KIFC3: variants seen among roughly 807,000 people sequenced by gnomAD.
KIFC3 encodes the protein kinesin-like protein KIFC3.
Under a neutral mutation model 101.8 loss-of-function variants are expected in KIFC3, and 60 were observed. The ratio of observed to expected loss-of-function variants is 0.59; its 90% CI spans 0.48 to 0.73. The LOEUF (loss-of-function observed/expected upper bound fraction) is 0.73, where lower values mean the gene tolerates loss of function less well. Among genes scored for constraint, KIFC3 ranks in the 30% least tolerant of loss-of-function variants. KIFC3 has a pLI of 0.00. For missense variants in KIFC3, 966 were observed against 1,137.1 expected (o/e 0.85, Z 2.16); for synonymous variants, 476 against 482.7 (o/e 0.99, Z 0.18).
At chr16:57,776,042 A>G in intron 3 of KIFC3, 1 of 985,424 alleles carries the variant, frequency 1.0e-6, no homozygotes, top group Non-Finnish European at 1.2e-6. Flanking sequence ...GGGGCCAGCC[A>G]GCCCAGGTCT....
At chr16:57,793,254 C>A (rs1218859528) in intron 3 of KIFC3, among the ~76,000 whole-genome samples, 13 of 151,040 alleles carry the variant, frequency 8.6e-5, no homozygotes, top group African/African-American at 3.2e-4. Context: ...CCACTGCACT[C>A]CAACCTGGGC....
intron 3 of KIFC3, among the ~76,000 whole-genome samples, chr16:57,783,555 C>A (rs1017375326): frequency 1.3e-5 from 2 of 150,272 alleles, no homozygotes; most frequent in Non-Finnish European, 2.9e-5. Flanking sequence ...TCACTGCAAC[C>A]TTTCCCTCCC....
At chr16:57,817,715 G>T (rs1159610692) in intron 1 of KIFC3, among the ~76,000 whole-genome samples, 9 of 152,142 alleles carry the variant, frequency 5.9e-5, no homozygotes, top group South Asian at 2.1e-4. Flanking sequence ...GGCCCAAAAA[G>T]GTTCCAAATA....
chr16:57,766,760 T>A (rs1555603233), intron 10 of KIFC3, 114 bp downstream of exon 10: 1 of 661,018 alleles, frequency 1.5e-6, no homozygotes, highest in African/African-American at 1.8e-5. Flanking sequence ...TTTCCTTATC[T>A]ACAGAGATAG....
intron 18 of KIFC3, 25 bp downstream of exon 18, chr16:57,759,703 A>G: frequency 1.3e-6 from 2 of 1,571,290 alleles, no homozygotes; most frequent in Non-Finnish European, 1.7e-6. Context: ...GAGACTCCCC[A>G]CCCACACTGC....
At chr16:57,784,030 G>A (rs372046379) in intron 3 of KIFC3, among the ~76,000 whole-genome samples, 9 of 152,242 alleles carry the variant, frequency 5.9e-5, no homozygotes, top group African/African-American at 2.2e-4. Context: ...AGCTCAAGAC[G>A]CCCAGGGACA....
intron 4 of KIFC3, 141 bp from the exon 5 acceptor site, chr16:57,771,827 G>GAAAAAT (rs1305635269): frequency 9.1e-7 from 1 of 1,100,944 alleles, no homozygotes; most frequent in Non-Finnish European, 1.3e-6. Context: ...AAAAGAAAAA[G>GAAAAAT]AAAAAGGCAA....
In KIFC3 at chr16:57,758,318, A is replaced by G. The variant is rs2148805073; in HGVS notation, c.*616T>C. 1 of 248,124 alleles carries G rather than the reference A, an allele frequency of 4.0e-6. No homozygotes were observed. The highest frequency in any genetic ancestry group is 2.3e-5 in the African/African-American group (1 of 43,268). 15.4% of individuals were successfully genotyped at this position (248,124 alleles called of 1,614,324 possible). ...GGGAAGAAAATTCGAGAGACCAGCG[A>G]GCCAGGCAGGTGAGCGAGCAGCAGA... On this transcript the variant is annotated 3_prime_UTR_variant, in exon 20 of 20. Transcript: ENST00000445690.
intron 1 of KIFC3, among the ~76,000 whole-genome samples, chr16:57,831,326 G>A (rs1286421156): frequency 3.3e-5 from 5 of 152,208 alleles, no homozygotes; most frequent in Admixed American, 6.5e-5. Context: ...CCCACCCAGC[G>A]CCTTCTCTCC....
chr16:57,774,773 C>T (rs557497888), intron 3 of KIFC3: 7 of 844,818 alleles, frequency 8.3e-6, no homozygotes, highest in South Asian at 3.2e-5. Context: ...GCAGTCTTCC[C>T]GCCTCAGCCT....
intron 1 of KIFC3, among the ~76,000 whole-genome samples, chr16:57,856,772 A>C (rs1288357982): frequency 6.6e-6 from 1 of 152,192 alleles, no homozygotes. Context: ...CTCTGTGCAC[A>C]TAAGTTTGAC....
At chr16:57,790,148 C>T (rs1417626884) in intron 3 of KIFC3, among the ~76,000 whole-genome samples, 12 of 145,888 alleles carry the variant, frequency 8.2e-5, no homozygotes, top group Non-Finnish European at 1.5e-5. Flanking sequence ...AGCACAATAG[C>T]AGCTCACTGC....
chr16:57,824,043 G>A (rs976935743), intron 1 of KIFC3, among the ~76,000 whole-genome samples: 11 of 152,228 alleles, frequency 7.2e-5, no homozygotes, highest in Non-Finnish European at 1.6e-4. Context: ...TCCTGTCAGG[G>A]AGAGCACGTC....
intron 1 of KIFC3, among the ~76,000 whole-genome samples, chr16:57,843,943 A>G (rs1381875252): frequency 2.0e-5 from 3 of 151,852 alleles, no homozygotes; most frequent in African/African-American, 2.4e-5. Flanking sequence ...CCCTGTCTCT[A>G]CTAAAAATAC....
intron 1 of KIFC3, among the ~76,000 whole-genome samples, chr16:57,811,997 C>G (rs1292033810): frequency 2.0e-5 from 3 of 150,224 alleles, no homozygotes; most frequent in Non-Finnish European, 4.4e-5. Context: ...GAGCTATGAT[C>G]AGACCACTGC....
At chr16:57,823,542 G>A (rs2055395133) in intron 1 of KIFC3, among the ~76,000 whole-genome samples, 1 of 152,150 alleles carries the variant, frequency 6.6e-6, no homozygotes. Flanking sequence ...TTGTTTTTAG[G>A]AAACATACAG....
At chr16:57,809,451 C>T (rs187753880) in intron 1 of KIFC3, among the ~76,000 whole-genome samples, 24 of 152,282 alleles carry the variant, frequency 1.6e-4, no homozygotes, top group African/African-American at 5.8e-4. Flanking sequence ...TGAGCCACTG[C>T]ACCCAGCAAA....
At chr16:57,786,340 A>G (rs1555617741) in intron 3 of KIFC3, among the ~76,000 whole-genome samples, 1 of 152,196 alleles carries the variant, frequency 6.6e-6, no homozygotes, top group Non-Finnish European at 1.5e-5. Context: ...AAGGCCTCCC[A>G]CTGTCCTGTC....
intron 3 of KIFC3, 50 bp from the exon 4 acceptor site, chr16:57,772,338 C>G (rs2051359725): frequency 6.5e-7 from 1 of 1,531,630 alleles, no homozygotes; most frequent in African/African-American, 1.4e-5. Flanking sequence ...TCAGCTCCAG[C>G]CTACACCCAG....
Sources: gnomAD v4.1 joint callset for allele counts (sites outside exome capture counted in the v4.1 genomes callset) on GRCh38, gnomAD v4.1.1 for gene constraint, MANE v1.5 for transcripts, NCBI Gene and HGNC (gene_info 2026-07-23, HGNC 2026-07-21) for gene names.